Variants in DYSF observed in about 807,000 individuals in gnomAD.
DYSF encodes dystrophy-associated fer-1-like 1.
Under a neutral mutation model 274.9 loss-of-function variants are expected in DYSF, and 212 were observed. That is an observed-to-expected ratio of 0.77 (90% CI 0.69 to 0.86). DYSF has a LOEUF of 0.86. DYSF is among the 40% of genes least tolerant of loss of function. The pLI, the probability that DYSF is intolerant of heterozygous loss-of-function variation, is 0.00. For missense variants in DYSF, 2,666 were observed against 2,783.2 expected (o/e 0.96, Z 0.95); for synonymous variants, 1,091 against 1,078.7 (o/e 1.01, Z -0.22).
Position 71,600,844 on chromosome 2 carries a change from T to C in DYSF, c.3897+2T>C. The C allele has an allele frequency of 6.2e-7, 1 of 1,609,828 alleles. No individual in the cohort carries two copies. The highest frequency in any genetic ancestry group is 8.5e-7 in the Non-Finnish European group (1 of 1,179,944). On this transcript the variant is annotated splice_donor_variant, in intron 34 of 55. Transcript: ENST00000410020. LOFTEE classifies it high-confidence loss of function. ...TTTGAGCTCATCCAGAGAGAGAAGG[T>C]GAGGCTGGTCTATATCCAGATCCAG...
intron 3 of DYSF, among the ~76,000 whole-genome samples, chr2:71,490,312 G>A (rs760643352): frequency 6.6e-6 from 1 of 152,172 alleles, no homozygotes; most frequent in Non-Finnish European, 1.5e-5. Flanking sequence ...TTTCTCCAGA[G>A]GTGCCCATTG....
Position 71,656,039 on chromosome 2 carries a change from TTC to T in DYSF, c.4627-115_4627-114del, listed in dbSNP as rs906916627. On this transcript the variant is annotated intron_variant, in intron 42 of 55. Coordinates refer to ENST00000410020, the MANE Select transcript of DYSF (RefSeq NM_001130987.2). ...CCCTCCTTTTCTTCTTCTCTCTTCC[TTC>T]TCTCTCTTTATTCACTCTCACACTG... The T allele has an allele frequency of 4.7e-6, 6 of 1,278,794 alleles. No individual in the cohort carries two copies. The African/African-American group carries it at 5.9e-5, about 13-fold the overall frequency. The allele number at this position is 1,278,794 out of a possible 1,614,324, so 79.2% of individuals were successfully genotyped here.
intron 41 of DYSF, among the ~76,000 whole-genome samples, chr2:71,625,866 CTTTTA>C (rs1330493211): frequency 1.3e-5 from 2 of 151,904 alleles, no homozygotes; most frequent in East Asian, 1.9e-4. Flanking sequence ...TCTAGTACAA[CTTTTA>C]TTATATTTAG....
chr2:71,631,557 C>T (rs868779107), intron 41 of DYSF, among the ~76,000 whole-genome samples: 5 of 152,272 alleles, frequency 3.3e-5, no homozygotes, highest in Middle Eastern at 3.4e-3. Context: ...CATTCTTTCT[C>T]TCATTTTCTC....
intron 3 of DYSF, among the ~76,000 whole-genome samples, chr2:71,499,801 A>G (rs1006260076): frequency 4.6e-5 from 7 of 152,158 alleles, no homozygotes; most frequent in Non-Finnish European, 8.8e-5. Context: ...GCTAGCCAAG[A>G]GGTCTGAGGA....
intron 17 of DYSF, among the ~76,000 whole-genome samples, chr2:71,543,202 ACGCTCCT>A (rs2090109525): frequency 7.4e-6 from 1 of 135,908 alleles, no homozygotes; most frequent in Non-Finnish European, 1.6e-5. Context: ...CCCGTTAGAG[ACGCTCCT>A]CACCTCCCAG....
At chr2:71,663,873 G>A (rs1207542664) in intron 45 of DYSF, among the ~76,000 whole-genome samples, 1 of 151,828 alleles carries the variant, frequency 6.6e-6, no homozygotes, top group Non-Finnish European at 1.5e-5. Flanking sequence ...TTTACCGGGA[G>A]TCCTCCCTGG....
intron 30 of DYSF, among the ~76,000 whole-genome samples, chr2:71,586,509 G>A (rs1035610727): frequency 1.8e-4 from 28 of 152,024 alleles, no homozygotes; most frequent in African/African-American, 6.5e-4. Flanking sequence ...GGGAGCGTTG[G>A]TTCCTCCCCC....
At chr2:71,670,018 C>T (rs907443085) in intron 51 of DYSF, among the ~76,000 whole-genome samples, 1 of 152,172 alleles carries the variant, frequency 6.6e-6, no homozygotes, top group Non-Finnish European at 1.5e-5. Flanking sequence ...GGTGTTATCA[C>T]AACTGTTGCC....
At chr2:71,463,011 C>T (rs1573253603), upstream of DYSF, among the ~76,000 whole-genome samples, 6 of 152,336 alleles carry the variant, frequency 3.9e-5, 1 homozygote, top group East Asian at 1.2e-3. Flanking sequence ...TTCAGGCCAT[C>T]CCTGGCTTGT....
upstream of DYSF, among the ~76,000 whole-genome samples, chr2:71,466,440 G>A (rs2081534701): frequency 6.6e-6 from 1 of 152,146 alleles, no homozygotes; most frequent in South Asian, 2.1e-4. Context: ...CTTGGTCACC[G>A]GAGGCCCCCG....
At chr2:71,469,419 G>C (rs912612018) in intron 1 of DYSF, among the ~76,000 whole-genome samples, 1 of 150,268 alleles carries the variant, frequency 6.7e-6, no homozygotes, top group African/African-American at 2.4e-5. Context: ...TGTTGTTTCT[G>C]TCAAATTTCC....
chr2:71,662,747 G>A (rs560565435), intron 45 of DYSF, among the ~76,000 whole-genome samples: 7 of 148,944 alleles, frequency 4.7e-5, no homozygotes, highest in East Asian at 4.1e-4. Context: ...ATATGTGTGC[G>A]TGTATGTGCA....
In DYSF at chr2:71,574,286, C is replaced by T; in HGVS notation, c.3317C>T (p.Ala1106Val). The change falls in exon 30 of 56, where the codon GCC (alanine) becomes GTC (valine). Residue 1106 changes from alanine to valine, a missense_variant. Transcript: ENST00000410020. ...KFHLEYRKTD[A>V]FRRRRWRRRM... ...CACCTCGAGTACCGCAAGACAGATG[C>T]CTTCCGCCGCCGCCGCTGGCGCCGT... 1 of 1,614,062 alleles carries T rather than the reference C, an allele frequency of 6.2e-7. No individual in the cohort carries two copies. Among genetic ancestry groups the T allele is most frequent in the Non-Finnish European group, 8.5e-7 (1 of 1,179,960 alleles).
intron 22 of DYSF, among the ~76,000 whole-genome samples, chr2:71,561,519 G>A (rs1478169059): frequency 6.6e-6 from 1 of 152,196 alleles, no homozygotes; most frequent in Admixed American, 6.5e-5. Context: ...GAGGGCTGGG[G>A]GCTCCAGATC....
intron 52 of DYSF, among the ~76,000 whole-genome samples, chr2:71,675,065 T>A (rs879109832): frequency 1.3e-5 from 2 of 152,078 alleles, no homozygotes; most frequent in Admixed American, 1.3e-4. Context: ...AGGTCAAATA[T>A]TATATGGCTT....
At chr2:71,628,951 C>CA (rs1553394311) in intron 41 of DYSF, among the ~76,000 whole-genome samples, 4,110 of 133,332 alleles carry the variant, frequency 0.031, 165 homozygotes, top group African/African-American at 0.1. Flanking sequence ...GACCCTGTTG[C>CA]AAAAAAAAAA....
At chr2:71,574,938 G>A (rs755138147) in intron 30 of DYSF, among the ~76,000 whole-genome samples, 9 of 152,154 alleles carry the variant, frequency 5.9e-5, no homozygotes, top group South Asian at 2.1e-4. Flanking sequence ...CAAAAGAGAC[G>A]AGCAGGTGTC....
intron 45 of DYSF, among the ~76,000 whole-genome samples, chr2:71,662,708 TG>T (rs1397259412): frequency 6.7e-6 from 1 of 149,936 alleles, no homozygotes; most frequent in Admixed American, 6.7e-5. Flanking sequence ...GTATGTGTGT[TG>T]TATGTATGTG....
Sources: allele counts gnomAD v4.1 joint callset (sites outside exome capture counted in the v4.1 genomes callset), GRCh38; gene constraint gnomAD v4.1.1; transcripts MANE v1.5; gene names NCBI Gene and HGNC (gene_info 2026-07-23, HGNC 2026-07-21).